AFG1L: variants seen among roughly 807,000 people sequenced by gnomAD.
AFG1L encodes the protein AFG1-like ATPase.
In AFG1L, 53 loss-of-function variants were observed where a neutral mutation model predicts 62.2. That is an observed-to-expected ratio of 0.85 (90% CI 0.68 to 1.07). AFG1L has a LOEUF of 1.07. Among genes scored for constraint, AFG1L ranks in the 50% least tolerant of loss-of-function variants. The pLI, the probability that AFG1L is intolerant of heterozygous loss-of-function variation, is 0.00. For synonymous variants in AFG1L, 228 were observed against 210.3 expected, an observed-to-expected ratio of 1.08 and a Z score of -0.73; for missense variants, 555 against 590.5, an observed-to-expected ratio of 0.94 and a Z score of 0.62.
chr6:108,408,434 G>A (rs1299026220), intron 7 of AFG1L, among the ~76,000 whole-genome samples: 1 of 152,116 alleles, frequency 6.6e-6, no homozygotes, highest in Admixed American at 6.6e-5. Flanking sequence ...CATTCCCTAT[G>A]CAGATATCTG....
chr6:108,334,862 T>C (rs1276515495), intron 2 of AFG1L, among the ~76,000 whole-genome samples: 2 of 152,188 alleles, frequency 1.3e-5, no homozygotes, highest in Non-Finnish European at 2.9e-5. Flanking sequence ...TAAAGATCCT[T>C]GGACGAGGCT....
intron 8 of AFG1L, among the ~76,000 whole-genome samples, chr6:108,457,927 T>A (rs150514580): frequency 6.3e-4 from 96 of 151,702 alleles, no homozygotes; most frequent in African/African-American, 2.3e-3. Context: ...CTCTCTTTCT[T>A]CCTTCCTTCA....
chr6:108,390,197 A>T (rs942680995), intron 6 of AFG1L, among the ~76,000 whole-genome samples: 2 of 152,122 alleles, frequency 1.3e-5, no homozygotes, highest in African/African-American at 2.4e-5. Context: ...TGTAGTTCTC[A>T]TGCCATGATT....
At chr6:108,392,871 AAG>A (rs1781120525) in intron 6 of AFG1L, among the ~76,000 whole-genome samples, 1 of 152,136 alleles carries the variant, frequency 6.6e-6, no homozygotes, top group African/African-American at 2.4e-5. Flanking sequence ...ATATATAAAT[AAG>A]CATTATTCAG....
intron 10 of AFG1L, among the ~76,000 whole-genome samples, chr6:108,483,356 G>A (rs547707112): frequency 2.8e-4 from 42 of 152,200 alleles, no homozygotes; most frequent in African/African-American, 1.0e-3. Flanking sequence ...AACACTGGGA[G>A]AAATAACCCA....
intron 10 of AFG1L, among the ~76,000 whole-genome samples, chr6:108,508,564 T>C (rs768987524): frequency 1.2e-4 from 18 of 152,224 alleles, no homozygotes; most frequent in South Asian, 2.1e-4. Context: ...TCTTTGTCTC[T>C]GGTTTTGTGC....
At chr6:108,403,756 A>C (rs1330465216) in intron 7 of AFG1L, among the ~76,000 whole-genome samples, 1 of 152,036 alleles carries the variant, frequency 6.6e-6, no homozygotes, top group Non-Finnish European at 1.5e-5. Context: ...AAACAAGTTA[A>C]GGGGTTCTGA....
chr6:108,338,616 T>A (rs1778559087), intron 2 of AFG1L, among the ~76,000 whole-genome samples: 1 of 152,132 alleles, frequency 6.6e-6, no homozygotes, highest in Non-Finnish European at 1.5e-5. Context: ...ATTACAGGAG[T>A]GAGCTACCAT....
chr6:108,392,296 A>G (rs1781091042), intron 6 of AFG1L: 1 of 152,210 alleles, frequency 6.6e-6, no homozygotes, highest in African/African-American at 2.4e-5. Flanking sequence ...TCTGATCATT[A>G]AATGTACACA....
At chr6:108,460,070 CA>C (rs1340876221) in intron 8 of AFG1L, among the ~76,000 whole-genome samples, 2 of 147,846 alleles carry the variant, frequency 1.4e-5, no homozygotes, top group Non-Finnish European at 1.5e-5. Context: ...AAAGACAAAA[CA>C]AAAAAAAAGC....
intron 2 of AFG1L, among the ~76,000 whole-genome samples, chr6:108,327,474 GT>G (rs1778094357): frequency 6.6e-6 from 1 of 152,206 alleles, no homozygotes; most frequent in Non-Finnish European, 1.5e-5. Flanking sequence ...GGCAAATTCA[GT>G]GTCTGATGAG....
At position 108,462,625 on chromosome 6, in the gene AFG1L, A is replaced by C. The variant is rs1292425147; in HGVS notation, c.891-14240A>C. Reference sequence around the variant, plus strand: ...ACCAGGTTCCACCAGTCAGTTTAGTATGCCTTTTATCTCCTATTCCTTTAT... The same window carrying C: ...ACCAGGTTCCACCAGTCAGTTTAGTCTGCCTTTTATCTCCTATTCCTTTAT... On this transcript the variant is annotated intron_variant, in intron 8 of 12. Transcript: ENST00000368977. Among the ~76,000 whole-genome samples, 7 of 152,198 alleles carry C rather than the reference A, an allele frequency of 4.6e-5. 1 individual carries two copies. The highest frequency in any genetic ancestry group is 4.6e-4 in the Admixed American group (7 of 15,282).
At chr6:108,439,189 C>T (rs959545294) in intron 7 of AFG1L, among the ~76,000 whole-genome samples, 2 of 152,154 alleles carry the variant, frequency 1.3e-5, no homozygotes, top group Non-Finnish European at 2.9e-5. Flanking sequence ...TGAAAAATTA[C>T]GTCTATGATC....
chr6:108,475,658 C>G (rs1773077191), intron 8 of AFG1L, among the ~76,000 whole-genome samples: 1 of 152,120 alleles, frequency 6.6e-6, no homozygotes, highest in Non-Finnish European at 1.5e-5. Context: ...CAAAGTTGAC[C>G]ATTGCAAATG....
chr6:108,519,765 G>A lies in AFG1L; in HGVS notation c.1272G>A (p.Glu424=), dbSNP rs1260101349. Residue 424 remains glutamate, a synonymous_variant, in exon 12 of 13, where the codon GAG becomes GAA. Coordinates refer to ENST00000368977, the MANE Select transcript of AFG1L (RefSeq NM_145315.5). ...SLFLHQHHDS[E]LEQSRILMDD... is the part of the protein sequence containing the mutation. ...TTTTGCATCAACATCATGACAGTGA[G>A]TTGGAGCAAAGCAGAATACTGATGG... 3.1e-6 allele frequency: 5 copies of A among 1,613,608 alleles called. No individual in the cohort carries two copies. Among genetic ancestry groups the A allele is most frequent in the Non-Finnish European group, 4.2e-6 (5 of 1,179,736 alleles).
At chr6:108,432,322 C>T (rs1771112813) in intron 7 of AFG1L, among the ~76,000 whole-genome samples, 1 of 152,092 alleles carries the variant, frequency 6.6e-6, no homozygotes. Flanking sequence ...TATGTGTTTT[C>T]TCAAGCCCTC....
At chr6:108,412,454 A>G (rs1159638776) in intron 7 of AFG1L, among the ~76,000 whole-genome samples, 8 of 152,134 alleles carry the variant, frequency 5.3e-5, no homozygotes, top group Non-Finnish European at 1.0e-4. Flanking sequence ...ACTCCAAGAC[A>G]CGTAATTGTC....
At chr6:108,516,849 A>C (rs1774916797) in intron 11 of AFG1L, among the ~76,000 whole-genome samples, 1 of 152,196 alleles carries the variant, frequency 6.6e-6, no homozygotes. Flanking sequence ...GCATTCTTAT[A>C]CACCAATAAC....
intron 8 of AFG1L, among the ~76,000 whole-genome samples, chr6:108,470,929 G>C (rs149098795): frequency 1.3e-5 from 2 of 152,276 alleles, no homozygotes; most frequent in East Asian, 3.9e-4. Context: ...GCACAGCCCA[G>C]CTCCAAGGGG....
Sources: gnomAD v4.1 joint callset for allele counts (sites outside exome capture counted in the v4.1 genomes callset) on GRCh38, gnomAD v4.1.1 for gene constraint, MANE v1.5 for transcripts, NCBI Gene and HGNC (gene_info 2026-07-23, HGNC 2026-07-21) for gene names.